Variants in WWOX observed in about 807,000 individuals in gnomAD.
WWOX encodes WW domain-containing oxidoreductase.
WWOX carries 69 observed loss-of-function variants against 46.2 expected under a neutral mutation model. The ratio of observed to expected loss-of-function variants is 1.49; its 90% CI spans 1.23 to 1.82. The LOEUF is 1.82. WWOX is among the 40% of genes most tolerant of loss of function. WWOX has a pLI of 0.00. For missense variants in WWOX, 919 were observed against 542.6 expected (o/e 1.69, Z -6.89); for synonymous variants, 359 against 202.6 (o/e 1.77, Z -6.56).
chr16:78,298,783 C>T (rs1266164719), intron 5 of WWOX, among the ~76,000 whole-genome samples: 2 of 111,418 alleles, frequency 1.8e-5, no homozygotes, highest in Non-Finnish European at 3.5e-5. Flanking sequence ...AAGAGCGAAA[C>T]TCTGTCTCAA....
At chr16:78,448,679 A>T (rs1292664043) in intron 8 of WWOX, among the ~76,000 whole-genome samples, 1 of 152,220 alleles carries the variant, frequency 6.6e-6, no homozygotes, top group Non-Finnish European at 1.5e-5. Flanking sequence ...GTTAAAATAT[A>T]GACTTTGTTG....
At chr16:78,737,097 T>C (rs1338728186) in intron 8 of WWOX, among the ~76,000 whole-genome samples, 1 of 151,920 alleles carries the variant, frequency 6.6e-6, no homozygotes, top group African/African-American at 2.4e-5. Context: ...TATTTTTGTT[T>C]ATTTATTTAT....
chr16:79,114,763 T>A (rs2049480989), intron 8 of WWOX, among the ~76,000 whole-genome samples: 1 of 152,112 alleles, frequency 6.6e-6, no homozygotes, highest in East Asian at 1.9e-4. Context: ...AGATATACCC[T>A]TTAGCCAAGT....
At chr16:78,810,214 A>C (rs186162906) in intron 8 of WWOX, among the ~76,000 whole-genome samples, 1 of 152,266 alleles carries the variant, frequency 6.6e-6, no homozygotes, top group Non-Finnish European at 1.5e-5. Context: ...ACTACACTGA[A>C]AATTTCAAAA....
chr16:78,958,185 C>T (rs957706287), intron 8 of WWOX, among the ~76,000 whole-genome samples: 3 of 152,136 alleles, frequency 2.0e-5, no homozygotes, highest in East Asian at 1.9e-4. Context: ...CTTTTAAGAC[C>T]GCCAGACTAG....
intron 8 of WWOX, among the ~76,000 whole-genome samples, chr16:79,132,135 C>G (rs1412937875): frequency 1.1e-5 from 1 of 91,940 alleles, no homozygotes; most frequent in Non-Finnish European, 2.4e-5. Flanking sequence ...GAAACACACA[C>G]ACACACACAC....
At chr16:79,176,162 C>T (rs909243969) in intron 8 of WWOX, among the ~76,000 whole-genome samples, 1 of 152,072 alleles carries the variant, frequency 6.6e-6, no homozygotes, top group Non-Finnish European at 1.5e-5. Flanking sequence ...AGAAATAGCC[C>T]CCAAAATGCA....
intron 5 of WWOX, among the ~76,000 whole-genome samples, chr16:78,182,846 G>C (rs572245851): frequency 7.2e-4 from 109 of 151,726 alleles, no homozygotes; most frequent in African/African-American, 2.5e-3. Flanking sequence ...AGCTGCTTGG[G>C]AGGCTGAGGC....
intron 8 of WWOX, among the ~76,000 whole-genome samples, chr16:78,755,579 C>G (rs111360417): frequency 5.3e-5 from 8 of 152,106 alleles, no homozygotes; most frequent in African/African-American, 1.9e-4. Context: ...TAGCCCTGCC[C>G]GAAGCCTCTC....
At chr16:79,175,569 C>T (rs1439213426) in intron 8 of WWOX, among the ~76,000 whole-genome samples, 1 of 152,114 alleles carries the variant, frequency 6.6e-6, no homozygotes, top group Non-Finnish European at 1.5e-5. Context: ...GTGAAAGAAT[C>T]CCAGGGAGTG....
At chr16:78,704,593 G>C (rs1156468467) in intron 8 of WWOX, among the ~76,000 whole-genome samples, 1 of 152,142 alleles carries the variant, frequency 6.6e-6, no homozygotes, top group African/African-American at 2.4e-5. Flanking sequence ...ATTTCCATTA[G>C]GAGATTTGCA....
At chr16:78,443,578 A>G (rs2083493381) in intron 8 of WWOX, among the ~76,000 whole-genome samples, 1 of 152,186 alleles carries the variant, frequency 6.6e-6, no homozygotes. Flanking sequence ...AGTGTTTTAA[A>G]TCCGCCTCGG....
intron 5 of WWOX, among the ~76,000 whole-genome samples, chr16:78,261,667 G>T (rs1284717980): frequency 6.7e-6 from 1 of 149,534 alleles, no homozygotes; most frequent in Non-Finnish European, 1.5e-5. Context: ...AACAATCTCA[G>T]ATCTCAGCTT....
chr16:78,642,993 A>G (rs1487070260), intron 8 of WWOX, among the ~76,000 whole-genome samples: 1 of 152,150 alleles, frequency 6.6e-6, no homozygotes, highest in Non-Finnish European at 1.5e-5. Flanking sequence ...CAGTTCATGG[A>G]GATGAAATAC....
intron 5 of WWOX, among the ~76,000 whole-genome samples, chr16:78,180,415 G>T (rs1039130128): frequency 1.3e-5 from 2 of 152,080 alleles, no homozygotes; most frequent in Non-Finnish European, 2.9e-5. Context: ...GGTAAATCCA[G>T]CTGCACCCAA....
chr16:78,590,200 A>C (rs2045319537), intron 8 of WWOX, among the ~76,000 whole-genome samples: 1 of 152,132 alleles, frequency 6.6e-6, no homozygotes, highest in South Asian at 2.1e-4. Flanking sequence ...TTATAAATAG[A>C]AATTTATTTC....
chr16:78,838,917 G>A (rs970743353), intron 8 of WWOX, among the ~76,000 whole-genome samples: 3 of 152,112 alleles, frequency 2.0e-5, no homozygotes, highest in Non-Finnish European at 4.4e-5. Context: ...AGTGGGGGGT[G>A]AGTGGGAACC....
intron 8 of WWOX, among the ~76,000 whole-genome samples, chr16:78,762,589 C>G (rs554139371): frequency 6.6e-6 from 1 of 152,196 alleles, no homozygotes; most frequent in Non-Finnish European, 1.5e-5. Context: ...ACAGTACTAA[C>G]AGTGGGCACA....
intron 4 of WWOX, among the ~76,000 whole-genome samples, chr16:78,128,946 A>C (rs960246203): frequency 5.3e-5 from 8 of 152,186 alleles, no homozygotes; most frequent in African/African-American, 1.9e-4. Context: ...ATCTATTAGC[A>C]AAGGAAGTTT....
Sources: gnomAD v4.1 joint callset for allele counts (sites outside exome capture counted in the v4.1 genomes callset) on GRCh38, gnomAD v4.1.1 for gene constraint, MANE v1.5 for transcripts, NCBI Gene and HGNC (gene_info 2026-07-23, HGNC 2026-07-21) for gene names.